Variants in RBFOX1 observed in about 807,000 individuals in gnomAD.
The protein encoded by RBFOX1 is RNA binding protein fox-1 homolog 1.
RBFOX1 carries 8 observed loss-of-function variants against 57.7 expected under a neutral mutation model. The observed-to-expected ratio is 0.14, with a 90% CI of 0.08 to 0.25. The LOEUF is 0.25. Among genes scored for constraint, RBFOX1 ranks in the 10% least tolerant of loss-of-function variants. RBFOX1 has a pLI of 1.00. For missense variants in RBFOX1, 611 were observed against 548.5 expected, an observed-to-expected ratio of 1.11 and a Z score of -1.14; for synonymous variants, 326 against 222.4, an observed-to-expected ratio of 1.47 and a Z score of -4.15.
intron 4 of RBFOX1, among the ~76,000 whole-genome samples, chr16:7,509,927 A>G (rs189464229): frequency 4.0e-5 from 6 of 151,406 alleles, no homozygotes; most frequent in African/African-American, 1.5e-4. Context: ...TCGCATTTCT[A>G]ATGTTTTTTA....
chr16:5,795,080 C>G (rs979705537), intron 3 of RBFOX1, among the ~76,000 whole-genome samples: 18 of 152,190 alleles, frequency 1.2e-4, no homozygotes, highest in Non-Finnish European at 2.6e-4. Flanking sequence ...ATCTCAGTTT[C>G]TCATGTGGAG....
At chr16:7,461,954 C>G (rs1174433731) in intron 4 of RBFOX1, among the ~76,000 whole-genome samples, 1 of 152,192 alleles carries the variant, frequency 6.6e-6, no homozygotes, top group Non-Finnish European at 1.5e-5. Flanking sequence ...ATTTTTCAGC[C>G]TCCTGTGAGG....
At chr16:7,535,367 T>A (rs183017660) in intron 5 of RBFOX1, among the ~76,000 whole-genome samples, 127 of 152,346 alleles carry the variant, frequency 8.3e-4, no homozygotes, top group African/African-American at 3.0e-3. Context: ...ACACCATTTT[T>A]ATTCACAGCG....
intron 1 of RBFOX1, among the ~76,000 whole-genome samples, chr16:5,362,245 C>T (rs975949248): frequency 6.6e-6 from 1 of 152,062 alleles, no homozygotes; most frequent in Non-Finnish European, 1.5e-5. Flanking sequence ...GGCTGGAGTG[C>T]AGTGGCACGA....
At chr16:6,595,265 A>T (rs1169085510) in intron 2 of RBFOX1, among the ~76,000 whole-genome samples, 6 of 152,228 alleles carry the variant, frequency 3.9e-5, no homozygotes, top group Non-Finnish European at 5.9e-5. Context: ...CTCTATCTCT[A>T]TAGGTTTACC....
intron 3 of RBFOX1, among the ~76,000 whole-genome samples, chr16:5,744,394 A>C (rs976123099): frequency 1.3e-5 from 2 of 152,136 alleles, no homozygotes; most frequent in Non-Finnish European, 2.9e-5. Flanking sequence ...TCAGGGACAA[A>C]GTAACTTTAG....
At chr16:6,978,706 G>C (rs1460813952) in intron 3 of RBFOX1, among the ~76,000 whole-genome samples, 1 of 152,176 alleles carries the variant, frequency 6.6e-6, no homozygotes, top group Non-Finnish European at 1.5e-5. Flanking sequence ...AATGTAATCA[G>C]GATGTGATAA....
chr16:5,630,883 A>G (rs1283940782), intron 3 of RBFOX1, among the ~76,000 whole-genome samples: 2 of 152,244 alleles, frequency 1.3e-5, no homozygotes, highest in Non-Finnish European at 2.9e-5. Flanking sequence ...CTGATGTTTA[A>G]TGACCAAATA....
intron 2 of RBFOX1, among the ~76,000 whole-genome samples, chr16:6,460,983 C>T (rs1343944153): frequency 3.3e-5 from 5 of 152,132 alleles, no homozygotes; most frequent in African/African-American, 1.2e-4. Context: ...AAGCCATTAC[C>T]TTAGCAAACT....
intron 5 of RBFOX1, among the ~76,000 whole-genome samples, chr16:7,535,040 T>G (rs2081148238): frequency 6.6e-6 from 1 of 152,242 alleles, no homozygotes; most frequent in African/African-American, 2.4e-5. Flanking sequence ...ATTATTATTC[T>G]GAGTATAATA....
chr16:7,196,425 T>G (rs891268376), intron 4 of RBFOX1, among the ~76,000 whole-genome samples: 2 of 152,112 alleles, frequency 1.3e-5, no homozygotes, highest in Non-Finnish European at 2.9e-5. Flanking sequence ...TCAAGAAACA[T>G]CTTTCATTCA....
In RBFOX1 at chr16:7,172,610, G is replaced by A. The variant is rs563598849; in HGVS notation, c.27+120512G>A. On this transcript the variant is annotated intron_variant, in intron 4 of 15. Transcript: ENST00000550418. The stretch of plus-strand genomic sequence containing the variant: ...TCCTTCATATTGGAGAAAAAAAAAA[G>A]AAAACTCTCTCTTACTTACTGGGAA... 1.1e-4 allele frequency among the ~76,000 whole-genome samples: 16 copies of A among 151,956 alleles called. No individual in the cohort carries two copies. In the East Asian group the frequency reaches 3.1e-3, roughly 29 times the overall value.
chr16:6,338,785 A>G (rs986175557), intron 2 of RBFOX1, among the ~76,000 whole-genome samples: 2 of 152,236 alleles, frequency 1.3e-5, no homozygotes, highest in African/African-American at 2.4e-5. Context: ...TATTATGTTC[A>G]CTTTCAAAAG....
chr16:5,962,666 CAG>C, intron 4 of RBFOX1, among the ~76,000 whole-genome samples: 1 of 152,186 alleles, frequency 6.6e-6, no homozygotes, highest in East Asian at 1.9e-4. Flanking sequence ...AAATGGCTAA[CAG>C]ATCGTAGAAG....
At chr16:7,615,802 A>G (rs965274435) in intron 10 of RBFOX1, among the ~76,000 whole-genome samples, 1 of 152,170 alleles carries the variant, frequency 6.6e-6, no homozygotes, top group South Asian at 2.1e-4. Flanking sequence ...ACACCCTGCA[A>G]TGCACAAGAC....
chr16:6,615,583 AT>A (rs1468830318), intron 2 of RBFOX1, among the ~76,000 whole-genome samples: 1 of 151,416 alleles, frequency 6.6e-6, no homozygotes, highest in African/African-American at 2.4e-5. Context: ...AAAAAAAAAA[AT>A]CCTCTGTCCC....
chr16:6,357,812 G>A (rs113857311), intron 2 of RBFOX1, among the ~76,000 whole-genome samples: 4 of 151,888 alleles, frequency 2.6e-5, no homozygotes, highest in Non-Finnish European at 4.4e-5. Flanking sequence ...TTAGCCGGGC[G>A]TGGTGGTGGG....
chr16:5,733,778 C>G (rs1176666786), intron 3 of RBFOX1, among the ~76,000 whole-genome samples: 2 of 151,894 alleles, frequency 1.3e-5, no homozygotes, highest in East Asian at 3.9e-4. Flanking sequence ...CTCACCTTTT[C>G]TTCCCAGCCC....
At position 7,518,215 on chromosome 16, in the gene RBFOX1, C is replaced by T; in HGVS notation, c.96C>T (p.Pro32=). ...CTTACGCTTCGGCCCAGTTTGCTCC[C>T]CCGCAGAACGGTATCCCCGCGGAAT... ...AQPYASAQFA[P]PQNGIPAEYT... The change falls in exon 5 of 16, where the codon CCC becomes CCT. Residue 32 remains proline (P), a synonymous_variant. Coordinates refer to ENST00000550418, the MANE Select transcript of RBFOX1 (RefSeq NM_018723.4). 2 of 1,614,122 alleles carry T rather than the reference C, an allele frequency of 1.2e-6. No individual in the cohort carries two copies. The highest frequency in any genetic ancestry group is 1.7e-5 in the Admixed American group (1 of 60,014).
Sources: gnomAD v4.1 joint callset for allele counts (sites outside exome capture counted in the v4.1 genomes callset) on GRCh38, gnomAD v4.1.1 for gene constraint, MANE v1.5 for transcripts, NCBI Gene and HGNC (gene_info 2026-07-23, HGNC 2026-07-21) for gene names.